The following DNM3 variants were observed in gnomAD, a reference collection of about 807,000 sequenced individuals.
DNM3 encodes the protein dynamin-3.
Under a neutral mutation model 101.6 loss-of-function variants are expected in DNM3, and 47 were observed. That is an observed-to-expected ratio of 0.46 (90% CI 0.37 to 0.59). The LOEUF is 0.59. Ranked by LOEUF, DNM3 falls within the 20% of genes least tolerant of loss-of-function variation. The probability of loss-of-function intolerance (pLI) is 0.00; values close to 1 mark genes in which losing one functional copy is unlikely to be tolerated. For synonymous variants in DNM3, 385 were observed against 387.9 expected (o/e 0.99, Z 0.09); for missense variants, 849 against 1,085.7 (o/e 0.78, Z 3.06).
In DNM3 at chr1:172,068,903, C is replaced by A; in HGVS notation, c.1420C>A (p.Gln474Lys). Reference protein sequence around the residue: ...IREREGKTKDQVLLLIDIQVS... With the variant: ...IREREGKTKDKVLLLIDIQVS... Reference sequence around the variant, plus strand: ...TGAGCGAGAAGGGAAGACAAAGGACCAGGTAAAGAGAGGTCTTCCCTGGTG... The same window carrying A: ...TGAGCGAGAAGGGAAGACAAAGGACAAGGTAAAGAGAGGTCTTCCCTGGTG... Residue 474 changes from glutamine (Q) to lysine (K), a missense_variant and splice_region_variant, in exon 11 of 21, where the codon CAG becomes AAG. Gln to Lys is a moderately conservative substitution (Grantham distance 53, BLOSUM62 1). This residue lies in a region of DNM3 where 193 missense variants were observed against 238.4 expected (regional missense o/e 0.81). Transcript: ENST00000627582. 6.4e-7 allele frequency: 1 copy of A among 1,558,678 alleles called. No individual in the cohort carries two copies. Among genetic ancestry groups the A allele is most frequent in the Non-Finnish European group, 8.7e-7 (1 of 1,150,824 alleles).
Position 172,412,213 on chromosome 1 carries a change from A to G in DNM3, c.*4372A>G, listed in dbSNP as rs935354856. ...ACATATGGCTCAACTCAAGTCATTA[A>G]TCTCTTTTTAATTTTTACTCTTGAA... On this transcript the variant is annotated 3_prime_UTR_variant, in exon 21 of 21. Transcript: ENST00000627582. 7 of 985,396 alleles carry G rather than the reference A, an allele frequency of 7.1e-6. No homozygotes were observed. The highest frequency in any genetic ancestry group is 7.2e-6 in the Non-Finnish European group (6 of 829,812). 61.0% of individuals were successfully genotyped at this position (985,396 alleles called of 1,614,324 possible). A position where few individuals can be genotyped will look rare whatever the true frequency, so the allele number is the denominator to read the frequency against.
chr1:172,248,139 T>C (rs1382961403), intron 14 of DNM3, among the ~76,000 whole-genome samples: 1 of 152,118 alleles, frequency 6.6e-6, no homozygotes, highest in Non-Finnish European at 1.5e-5. Context: ...GTGTTAAAGG[T>C]TTGTATGAAT....
chr1:172,410,425 C>G lies in DNM3; in HGVS notation c.*2584C>G, dbSNP rs1171829423. On this transcript the variant is annotated 3_prime_UTR_variant, in exon 21 of 21. Transcript: ENST00000627582. ...CACAATAGATGTAGCTCTATCATGT[C>G]TAGCATAATTTAAAAAATCAGTGTT... 2.0e-6 allele frequency: 2 copies of G among 984,820 alleles called. No individual in the cohort carries two copies. The highest frequency in any genetic ancestry group is 3.5e-5 in the African/African-American group (2 of 57,182). The allele number at this position is 984,820 out of a possible 1,614,324, so 61.0% of individuals were successfully genotyped here.
At chr1:171,980,685 A>G (rs748829258) in intron 2 of DNM3, among the ~76,000 whole-genome samples, 16 of 151,848 alleles carry the variant, frequency 1.1e-4, no homozygotes, top group Non-Finnish European at 1.9e-4. Flanking sequence ...TAGCTTTCAT[A>G]TGTGAGTAAG....
chr1:172,336,049 A>G (rs1367378701), intron 17 of DNM3, among the ~76,000 whole-genome samples: 1 of 152,188 alleles, frequency 6.6e-6, no homozygotes, highest in African/African-American at 2.4e-5. Flanking sequence ...CAATGTCTAA[A>G]GACATATTTG....
At chr1:172,120,867 T>C (rs2056269323) in intron 13 of DNM3, among the ~76,000 whole-genome samples, 1 of 152,194 alleles carries the variant, frequency 6.6e-6, no homozygotes, top group Non-Finnish European at 1.5e-5. Context: ...GTGTGTGTGT[T>C]ACTGTTTCCT....
intron 4 of DNM3, among the ~76,000 whole-genome samples, chr1:172,018,177 A>G (rs1225411136): frequency 6.6e-6 from 1 of 152,068 alleles, no homozygotes; most frequent in Non-Finnish European, 1.5e-5. Context: ...TAATTGGTGC[A>G]TTTAGACCAT....
chr1:172,345,231 A>C (rs565075866), intron 17 of DNM3, among the ~76,000 whole-genome samples: 2 of 152,252 alleles, frequency 1.3e-5, no homozygotes, highest in Non-Finnish European at 2.9e-5. Context: ...ATTTCATAGA[A>C]AGGAATTAAA....
chr1:172,239,135 C>T (rs2061650172), intron 14 of DNM3, among the ~76,000 whole-genome samples: 3 of 152,152 alleles, frequency 2.0e-5, no homozygotes, highest in Admixed American at 6.6e-5. Context: ...GCATGTCTGC[C>T]TTTAATAAGA....
chr1:171,967,472 C>T (rs2043669937), intron 2 of DNM3, among the ~76,000 whole-genome samples: 1 of 152,048 alleles, frequency 6.6e-6, no homozygotes, highest in South Asian at 2.1e-4. Flanking sequence ...TCTGACTTTC[C>T]TCTGTCTCTC....
At chr1:171,890,494 T>C (rs1558219727) in intron 1 of DNM3, among the ~76,000 whole-genome samples, 1 of 152,316 alleles carries the variant, frequency 6.6e-6, no homozygotes, top group East Asian at 1.9e-4. Context: ...CAAACCATAT[T>C]TCAAAGTTCT....
At position 172,267,121 on chromosome 1, in the gene DNM3, A is replaced by G. The variant is rs1214498463; in HGVS notation, c.1769+13439A>G. Among the ~76,000 whole-genome samples the G allele has an allele frequency of 2.0e-5, 3 of 152,220 alleles. No individual in the cohort carries two copies. The South Asian group carries it at 6.2e-4, about 32-fold the overall frequency. ...TATTCTTCCTTCTGGTTTTAACACA[A>G]TGATAAGTTAAATAATTAAAATGTA... On this transcript the variant is annotated intron_variant, in intron 15 of 20. Transcript: ENST00000627582.
intron 1 of DNM3, among the ~76,000 whole-genome samples, chr1:171,900,649 C>G (rs1011979155): frequency 2.0e-5 from 3 of 151,926 alleles, no homozygotes; most frequent in African/African-American, 7.3e-5. Flanking sequence ...AAGAATTTTC[C>G]TTTAAGAAGC....
At chr1:172,258,571 T>C (rs966307312) in intron 15 of DNM3, among the ~76,000 whole-genome samples, 18 of 152,128 alleles carry the variant, frequency 1.2e-4, no homozygotes, top group African/African-American at 4.3e-4. Context: ...CATAATAAGC[T>C]CTGATGTTTT....
chr1:171,949,424 G>A (rs141808669), intron 2 of DNM3, among the ~76,000 whole-genome samples: 131 of 152,220 alleles, frequency 8.6e-4, no homozygotes, highest in African/African-American at 2.3e-3. Flanking sequence ...TTTTGTGTTC[G>A]TTTGAGACAG....
At chr1:171,908,401 A>G (rs2039004258) in intron 1 of DNM3, among the ~76,000 whole-genome samples, 1 of 152,220 alleles carries the variant, frequency 6.6e-6, no homozygotes, top group Admixed American at 6.5e-5. Context: ...TAAATATGTA[A>G]TTAAATAATT....
At chr1:172,257,121 G>A (rs531018682) in intron 15 of DNM3, among the ~76,000 whole-genome samples, 1 of 152,066 alleles carries the variant, frequency 6.6e-6, no homozygotes, top group South Asian at 2.1e-4. Flanking sequence ...GATTATGCTT[G>A]TTAATTGTAT....
chr1:171,977,502 A>C (rs1240796224), intron 2 of DNM3, among the ~76,000 whole-genome samples: 1 of 152,208 alleles, frequency 6.6e-6, no homozygotes, highest in Non-Finnish European at 1.5e-5. Flanking sequence ...TAAGTAAACA[A>C]AGTAATCTAT....
chr1:172,229,255 G>T (rs961839183), intron 14 of DNM3, among the ~76,000 whole-genome samples: 7 of 152,104 alleles, frequency 4.6e-5, no homozygotes, highest in Admixed American at 3.9e-4. Flanking sequence ...TTGAGACTTA[G>T]TATGTTCAGA....
Sources: allele counts gnomAD v4.1 joint callset (sites outside exome capture counted in the v4.1 genomes callset), GRCh38; gene constraint gnomAD v4.1.1; regional missense constraint gnomAD v4.1.1; transcripts MANE v1.5; gene names NCBI Gene and HGNC (gene_info 2026-07-23, HGNC 2026-07-21).